The following CNNM3 variants were observed in gnomAD, a reference collection of about 807,000 sequenced individuals.
CNNM3 encodes the protein metal transporter CNNM3.
CNNM3 carries 47 observed loss-of-function variants against 57.1 expected under a neutral mutation model. The ratio of observed to expected loss-of-function variants is 0.82; its 90% CI spans 0.65 to 1.05. CNNM3 has a LOEUF of 1.05. Among genes scored for constraint, CNNM3 ranks in the 50% least tolerant of loss-of-function variants. The pLI, the probability that CNNM3 is intolerant of heterozygous loss-of-function variation, is 0.00. For missense variants in CNNM3, 957 were observed against 973.7 expected (o/e 0.98, Z 0.23); for synonymous variants, 507 against 478.2 (o/e 1.06, Z -0.79).
rs1216282342 is a variant in CNNM3 at position 96,816,748 on chromosome 2, C to CGCGCTG, written c.482_487dup (p.Leu161_Ala162dup). ...CGCTGGCGCGAGGCCTGCAGCTGAG[C>CGCGCTG]GCGCTGGCGCTGGCGCCTGCCGAGG... On this transcript the variant is annotated inframe_insertion, in exon 1 of 8. Transcript: ENST00000305510. 14 of 1,015,602 alleles carry CGCGCTG rather than the reference C, an allele frequency of 1.4e-5. No homozygotes were observed. Among genetic ancestry groups the CGCGCTG allele is most frequent in the Non-Finnish European group, 1.5e-5 (13 of 851,976 alleles). The allele number at this position is 1,015,602 out of a possible 1,614,324, so 62.9% of individuals were successfully genotyped here. A position where few individuals can be genotyped will look rare whatever the true frequency, so the allele number is the denominator to read the frequency against.
chr2:96,817,133 CTGCGGGAGCGGG>C lies in CNNM3; in HGVS notation c.860_871del (p.Arg287_Val290del). 7.4e-7 allele frequency: 1 copy of C among 1,353,106 alleles called. No homozygotes were observed. Among genetic ancestry groups the C allele is most frequent in the South Asian group, 2.0e-5 (1 of 51,020 alleles). The allele number at this position is 1,353,106 out of a possible 1,614,324, so 83.8% of individuals were successfully genotyped here. The stretch of plus-strand genomic sequence containing the variant: ...GGAGCTGGCGGCGCGGCCCGGGCGG[CTGCGGGAGCGGG>C]TGCTGGAGCTGGCGCGCGGCGGCGG... On this transcript the variant is annotated inframe_deletion, in exon 1 of 8. Transcript: ENST00000305510.
intron 1 of CNNM3, among the ~76,000 whole-genome samples, chr2:96,817,955 A>G (rs1416279180): frequency 6.6e-6 from 1 of 152,148 alleles, no homozygotes; most frequent in Non-Finnish European, 1.5e-5. Context: ...AATTGACTGG[A>G]CCTGTAATGT....
At chr2:96,828,764 C>A in intron 6 of CNNM3, 64 bp downstream of exon 6, 3 of 1,602,306 alleles carry the variant, frequency 1.9e-6, no homozygotes, top group Non-Finnish European at 2.6e-6. Flanking sequence ...GGGGCTAGAC[C>A]AGCTGGTCTG....
At chr2:96,828,739 G>A (rs1425226509) in intron 6 of CNNM3, 39 bp downstream of exon 6, 12 of 1,612,064 alleles carry the variant, frequency 7.4e-6, no homozygotes, top group Middle Eastern at 1.7e-4. Context: ...GGCTTTAGCC[G>A]ACTTTGTGTC....
At position 96,833,316 on chromosome 2, in the gene CNNM3, G is replaced by C. The variant is rs115751945; in HGVS notation, c.*700G>C. The C allele has an allele frequency of 0.021, 6,519 of 303,504 alleles. 415 individuals carry two copies. The highest frequency in any genetic ancestry group is 0.13 in the African/African-American group (6,062 of 45,454). The allele number at this position is 303,504 out of a possible 1,614,324, so 18.8% of individuals were successfully genotyped here. Reference sequence around the variant, plus strand: ...CTTTCTGCTTCTCTGCCCACCTGCTGAGTTGCCACTCGCAGTGTTGTCAGT... The same window carrying C: ...CTTTCTGCTTCTCTGCCCACCTGCTCAGTTGCCACTCGCAGTGTTGTCAGT... On this transcript the variant is annotated 3_prime_UTR_variant, in exon 8 of 8. Coordinates refer to ENST00000305510, the MANE Select transcript of CNNM3 (RefSeq NM_017623.5).
rs1233963790 is a variant in CNNM3 at position 96,834,867 on chromosome 2, A to G, written c.*2251A>G. Among the ~76,000 whole-genome samples, 1 of 152,098 alleles carries G rather than the reference A, an allele frequency of 6.6e-6. No individual in the cohort carries two copies. Among genetic ancestry groups the G allele is most frequent in the Non-Finnish European group, 1.5e-5 (1 of 68,018 alleles). On this transcript the variant is annotated 3_prime_UTR_variant, in exon 8 of 8. Coordinates refer to ENST00000305510, the MANE Select transcript of CNNM3 (RefSeq NM_017623.5). ...TTGCTTTCTTTTTTCCTAACTTTAT[A>G]TTTTGAAATAATTTCAGATGATAGG...
At chr2:96,828,532 A>G (rs756192254) in intron 5 of CNNM3, 35 bp from the exon 6 acceptor site, 1 of 1,613,502 alleles carries the variant, frequency 6.2e-7, no homozygotes, top group Admixed American at 1.7e-5. Context: ...AGCTGCCAGC[A>G]TGGCTCCTGC....
At chr2:96,829,296 A>AT (rs1254927530) in intron 7 of CNNM3, 162 bp downstream of exon 7, 46,223 of 664,252 alleles carry the variant, frequency 0.07, 1 homozygote, top group Non-Finnish European at 0.078. Context: ...TATATAAATA[A>AT]TTTTTTTTTT....
In CNNM3 at chr2:96,817,427, C is replaced by A; in HGVS notation, c.1150C>A (p.Arg384Ser). Residue 384 changes from arginine (R) to serine (S), a missense_variant, in exon 1 of 8, where the codon CGT becomes AGT. This residue lies in a region of CNNM3 where 491 missense variants were observed against 570.6 expected (regional missense o/e 0.86). Coordinates refer to ENST00000305510, the MANE Select transcript of CNNM3 (RefSeq NM_017623.5). ...CTGCACGCCGCTCAGCACCATCACT[C>A]GTTTCTACAACCATCCGCTCCACTT... ...EDCTPLSTIT[R>S]FYNHPLHFVF... 6.2e-7 allele frequency: 1 copy of A among 1,614,150 alleles called. No individual in the cohort carries two copies.
chr2:96,830,266 A>C (rs556994432), intron 7 of CNNM3, among the ~76,000 whole-genome samples: 2 of 150,466 alleles, frequency 1.3e-5, no homozygotes, highest in East Asian at 3.9e-4. Flanking sequence ...CACCACGAGG[A>C]AGACAAGCTG....
Position 96,825,237 on chromosome 2 carries a change from G to A in CNNM3, c.1369+36G>A, listed in dbSNP as rs781075144. 5 of 1,609,648 alleles carry A rather than the reference G, an allele frequency of 3.1e-6. No homozygotes were observed. In the South Asian group the frequency reaches 5.5e-5, roughly 18 times the overall value. On this transcript the variant is annotated intron_variant, in intron 2 of 7. Coordinates refer to ENST00000305510, the MANE Select transcript of CNNM3 (RefSeq NM_017623.5). Reference sequence around the variant, plus strand: ...ACTCTTGGCAGTTCTGTCTCCGCTGGGCCTGCACACTTCCCCAGGCGTATG... The same window carrying A: ...ACTCTTGGCAGTTCTGTCTCCGCTGAGCCTGCACACTTCCCCAGGCGTATG...
chr2:96,816,414 C>A lies in CNNM3; in HGVS notation c.137C>A (p.Ala46Glu). The A allele has an allele frequency of 7.3e-7, 1 of 1,375,924 alleles. No individual in the cohort carries two copies. Among genetic ancestry groups the A allele is most frequent in the Non-Finnish European group, 9.4e-7 (1 of 1,067,912 alleles). 85.2% of individuals were successfully genotyped at this position (1,375,924 alleles called of 1,614,324 possible). A position where few individuals can be genotyped will look rare whatever the true frequency, so the allele number is the denominator to read the frequency against. Residue 46 changes from alanine (A) to glutamate (E), a missense_variant, in exon 1 of 8, where the codon GCG (alanine) becomes GAG (glutamate). By Grantham distance (107) the Ala-to-Glu change is moderately radical. This residue lies in a region of CNNM3 where 466 missense variants were observed against 403.1 expected (regional missense o/e 1.16). Transcript: ENST00000305510. ...CTGGAGGAGGATGGAGCGGCGGGCG[C>A]GGGTTGGGTACGCGGAGGGGCGGCG... ...FCLEEDGAAG[A>E]GWVRGGAARD...
At chr2:96,836,753 A>T (rs1354071384), downstream of CNNM3, 1 of 152,176 alleles carries the variant, frequency 6.6e-6, no homozygotes, top group Non-Finnish European at 1.5e-5. Context: ...CTTTACTGAT[A>T]TTTCCTTTAT....
rs1229398294 is a variant in CNNM3 at position 96,828,639 on chromosome 2, A to G, written c.1859A>G (p.His620Arg). 2 of 1,614,112 alleles carry G rather than the reference A, an allele frequency of 1.2e-6. No individual in the cohort carries two copies. Among genetic ancestry groups the G allele is most frequent in the South Asian group, 1.1e-5 (1 of 91,086 alleles). Reference protein sequence around the residue: ...DLQPDPGDGTHSSAYCPDYTV... With the variant: ...DLQPDPGDGTRSSAYCPDYTV... Reference sequence around the variant, plus strand: ...CAGCCCGACCCAGGTGACGGCACGCATTCATCTGCGTATTGTCCCGACTAC... The same window carrying G: ...CAGCCCGACCCAGGTGACGGCACGCGTTCATCTGCGTATTGTCCCGACTAC... Residue 620 changes from histidine to arginine, a missense_variant, in exon 6 of 8, where the codon CAT (histidine) becomes CGT (arginine). Around this residue, in one of 2 missense-constraint regions of CNNM3, gnomAD observed 491 missense variants for 570.6 expected, o/e 0.86. Transcript: ENST00000305510.
At chr2:96,835,688 C>G (rs942946293), downstream of CNNM3, among the ~76,000 whole-genome samples, 1 of 152,036 alleles carries the variant, frequency 6.6e-6, no homozygotes, top group Non-Finnish European at 1.5e-5. Flanking sequence ...AGGATGGTCT[C>G]GATCTCCTGA....
intron 2 of CNNM3, 132 bp downstream of exon 2, chr2:96,825,333 G>A (rs2079482522): frequency 8.9e-7 from 1 of 1,126,126 alleles, no homozygotes; most frequent in Admixed American, 2.7e-5. Context: ...CCCCTTCTGA[G>A]CCCTGCATGG....
chr2:96,818,908 G>A lies in CNNM3; in HGVS notation c.1225+1406G>A, dbSNP rs1402127487. 2.0e-5 allele frequency among the ~76,000 whole-genome samples: 3 copies of A among 152,330 alleles called. No individual in the cohort carries two copies. In the East Asian group the frequency reaches 5.8e-4, roughly 29 times the overall value. ...TGGCAGGATGTTTCTGGCACCGTCT[G>A]TTGAGAGCCCCTGGCCTGTCGTTGC... On this transcript the variant is annotated intron_variant, in intron 1 of 7. Coordinates refer to ENST00000305510, the MANE Select transcript of CNNM3 (RefSeq NM_017623.5).
chr2:96,833,682 C>T lies in CNNM3; in HGVS notation c.*1066C>T, dbSNP rs78133397. 7.9e-5 allele frequency: 12 copies of T among 152,288 alleles called. No individual in the cohort carries two copies. The East Asian group carries it at 2.1e-3, about 27-fold the overall frequency. The allele number at this position is 152,288 out of a possible 1,614,324, so 9.4% of individuals were successfully genotyped here. Reference sequence around the variant, plus strand: ...TCTTCTAGTTTACTACATTTTCCTTCCGTAGTTCTTCAGCTGTGTGGAAAC... The same window carrying T: ...TCTTCTAGTTTACTACATTTTCCTTTCGTAGTTCTTCAGCTGTGTGGAAAC... On this transcript the variant is annotated 3_prime_UTR_variant, in exon 8 of 8. Transcript: ENST00000305510.
intron 7 of CNNM3, chr2:96,832,090 G>A: frequency 1.9e-5 from 19 of 995,768 alleles, no homozygotes; most frequent in Non-Finnish European, 2.0e-5. Flanking sequence ...CCCTCTCCCT[G>A]CCCCTTCACT....
Sources: allele counts gnomAD v4.1 joint callset (sites outside exome capture counted in the v4.1 genomes callset), GRCh38; gene constraint gnomAD v4.1.1; regional missense constraint gnomAD v4.1.1; transcripts MANE v1.5; gene names NCBI Gene and HGNC (gene_info 2026-07-23, HGNC 2026-07-21).